TMEM135: variants seen among roughly 807,000 people sequenced by gnomAD.
TMEM135 encodes the protein transmembrane protein 135.
TMEM135 carries 30 observed loss-of-function variants against 60.3 expected under a neutral mutation model. The observed-to-expected ratio is 0.50, with a 90% CI of 0.37 to 0.68. The LOEUF (loss-of-function observed/expected upper bound fraction) is 0.68. TMEM135 is among the 30% of genes least tolerant of loss of function. TMEM135 has a pLI of 0.00. For synonymous variants in TMEM135, 190 were observed against 186.7 expected (o/e 1.02, Z -0.14); for missense variants, 468 against 548.8 (o/e 0.85, Z 1.47).
At position 87,160,646 on chromosome 11, in the gene TMEM135, A is replaced by G. The variant is rs540388129; in HGVS notation, c.462+3240A>G. Among the ~76,000 whole-genome samples, 27 of 152,344 alleles carry G rather than the reference A, an allele frequency of 1.8e-4. No individual in the cohort carries two copies. In the South Asian group the frequency reaches 5.6e-3, roughly 32 times the overall value. ...TAATTATTATTAGTTTGACAGTTGA[A>G]AAATAACATTGCAGTTAAAGTTTCC... is the stretch of plus-strand genomic sequence containing the variant. On this transcript the variant is annotated intron_variant, in intron 5 of 14. Transcript: ENST00000305494.
At chr11:87,185,732 C>T (rs116246313) in intron 5 of TMEM135, among the ~76,000 whole-genome samples, 2,997 of 152,162 alleles carry the variant, frequency 0.02, 85 homozygotes, top group East Asian at 0.072. Flanking sequence ...ATTTGGTTGC[C>T]TTTCATATGG....
chr11:87,286,931 C>G (rs1942176921), intron 6 of TMEM135, among the ~76,000 whole-genome samples: 1 of 152,162 alleles, frequency 6.6e-6, no homozygotes, highest in South Asian at 2.1e-4. Flanking sequence ...ATTTTGTTCA[C>G]ATAAAATAAT....
intron 4 of TMEM135, among the ~76,000 whole-genome samples, chr11:87,137,418 A>G (rs1367224295): frequency 6.6e-6 from 1 of 152,178 alleles, no homozygotes; most frequent in Non-Finnish European, 1.5e-5. Context: ...CGAATGTTGT[A>G]TACTCATCCA....
At chr11:87,242,560 G>A (rs1941162786) in intron 6 of TMEM135, among the ~76,000 whole-genome samples, 1 of 98,222 alleles carries the variant, frequency 1.0e-5, no homozygotes, top group Non-Finnish European at 2.4e-5. Flanking sequence ...GGTGTGAGAT[G>A]GTATCTCATT....
chr11:87,250,072 T>A (rs964203483), intron 6 of TMEM135, among the ~76,000 whole-genome samples: 1 of 152,132 alleles, frequency 6.6e-6, no homozygotes, highest in African/African-American at 2.4e-5. Flanking sequence ...CTTGAAGGTA[T>A]TCCAATTTAT....
intron 5 of TMEM135, among the ~76,000 whole-genome samples, chr11:87,223,665 A>ATG (rs1430388919): frequency 9.0e-6 from 1 of 110,964 alleles, no homozygotes; most frequent in African/African-American, 3.4e-5. Flanking sequence ...ACGCACATGC[A>ATG]CGCACACACA....
chr11:87,045,076 C>T (rs1166234682), intron 1 of TMEM135, among the ~76,000 whole-genome samples: 1 of 152,074 alleles, frequency 6.6e-6, no homozygotes, highest in Non-Finnish European at 1.5e-5. Context: ...GTTGCCCAGG[C>T]TGGAGTGCGG....
At chr11:87,138,174 C>G (rs889669589) in intron 4 of TMEM135, among the ~76,000 whole-genome samples, 1 of 150,346 alleles carries the variant, frequency 6.7e-6, no homozygotes, top group African/African-American at 2.4e-5. Flanking sequence ...CACTGCAACC[C>G]CCGCCTCCTG....
At chr11:87,223,495 T>C (rs1219563159) in intron 5 of TMEM135, among the ~76,000 whole-genome samples, 2 of 152,108 alleles carry the variant, frequency 1.3e-5, no homozygotes, top group African/African-American at 2.4e-5. Context: ...ACAGTTCATC[T>C]GATTCAGAAT....
At chr11:87,257,860 TATA>T (rs1941560674) in intron 6 of TMEM135, among the ~76,000 whole-genome samples, 1 of 152,136 alleles carries the variant, frequency 6.6e-6, no homozygotes, top group Non-Finnish European at 1.5e-5. Flanking sequence ...TAGTGAATTG[TATA>T]ATATTTCAAT....
At chr11:87,137,730 A>G (rs1938142982) in intron 4 of TMEM135, among the ~76,000 whole-genome samples, 1 of 151,824 alleles carries the variant, frequency 6.6e-6, no homozygotes, top group Non-Finnish European at 1.5e-5. Context: ...ATGATGGGGG[A>G]AAAAACCTCA....
chr11:87,072,675 C>T (rs1856793160), intron 3 of TMEM135, among the ~76,000 whole-genome samples: 1 of 152,104 alleles, frequency 6.6e-6, no homozygotes, highest in Non-Finnish European at 1.5e-5. Context: ...GCCACTGTGC[C>T]TGGCCCAATT....
intron 7 of TMEM135, among the ~76,000 whole-genome samples, chr11:87,296,635 G>A (rs941825059): frequency 5.3e-5 from 8 of 152,114 alleles, no homozygotes; most frequent in Admixed American, 2.6e-4. Flanking sequence ...ATTGTCTCAA[G>A]GTTATTTTGA....
rs767550753 is a variant in TMEM135, at chr11:87,191,982, C to CTTTTTTTTTTTTTTTTTTTT, written c.462+34580_462+34581insTTTTTTTTTTTTTTTTTTTT. On this transcript the variant is annotated intron_variant, in intron 5 of 14. Coordinates refer to ENST00000305494, the MANE Select transcript of TMEM135 (RefSeq NM_022918.4). The stretch of plus-strand genomic sequence containing the variant: ...CTATTTCTTTTGTTTCTTTTCTTTT[C>CTTTTTTTTTTTTTTTTTTTT]TTTTCTTTTTTTTTTTTTTTTTTCG... Among the ~76,000 whole-genome samples, 19 of 93,984 alleles carry CTTTTTTTTTTTTTTTTTTTT rather than the reference C, an allele frequency of 2.0e-4. 2 individuals are homozygous for CTTTTTTTTTTTTTTTTTTTT. Among genetic ancestry groups the CTTTTTTTTTTTTTTTTTTTT allele is most frequent in the African/African-American group, 4.1e-4 (9 of 22,076 alleles). 61.7% of individuals were successfully genotyped at this position (93,984 alleles called of 152,430 possible). A position where few individuals can be genotyped will look rare whatever the true frequency, so the allele number is the denominator to read the frequency against.
At chr11:87,253,556 G>A (rs1686166) in intron 6 of TMEM135, among the ~76,000 whole-genome samples, 99,831 of 149,368 alleles carry the variant, frequency 0.67, 33,692 homozygotes, top group Middle Eastern at 0.72. Context: ...TAGTTCTACA[G>A]TAGTTCCCAG....
At chr11:87,245,078 A>T (rs1370748531) in intron 6 of TMEM135, among the ~76,000 whole-genome samples, 1 of 136,110 alleles carries the variant, frequency 7.3e-6, no homozygotes, top group Non-Finnish European at 1.6e-5. Flanking sequence ...TTCAAAGAAC[A>T]TCTTTATTTC....
At chr11:87,138,982 G>A (rs1472235604) in intron 4 of TMEM135, among the ~76,000 whole-genome samples, 1 of 152,098 alleles carries the variant, frequency 6.6e-6, no homozygotes, top group African/African-American at 2.4e-5. Flanking sequence ...ATGACATGCA[G>A]GCTCTGTTTC....
At chr11:87,319,690 C>T (rs1343173122) in intron 14 of TMEM135, among the ~76,000 whole-genome samples, 1 of 151,692 alleles carries the variant, frequency 6.6e-6, no homozygotes, top group African/African-American at 2.4e-5. Flanking sequence ...TAAACAGATT[C>T]ATTAAAGATC....
chr11:87,079,209 C>G (rs1194202678), intron 3 of TMEM135, among the ~76,000 whole-genome samples: 1 of 151,474 alleles, frequency 6.6e-6, no homozygotes, highest in East Asian at 2.0e-4. Context: ...TTTCACCATG[C>G]TGGCCAGGCT....
Sources: allele counts gnomAD v4.1 joint callset (sites outside exome capture counted in the v4.1 genomes callset), GRCh38; gene constraint gnomAD v4.1.1; transcripts MANE v1.5; gene names NCBI Gene and HGNC (gene_info 2026-07-23, HGNC 2026-07-21).